YARS1: variants seen among roughly 807,000 people sequenced by gnomAD.
YARS1 encodes the protein tyrosine--tRNA ligase, cytoplasmic.
YARS1 carries 36 observed loss-of-function variants against 62.2 expected under a neutral mutation model. The observed-to-expected ratio is 0.58, with a 90% CI of 0.44 to 0.76. The LOEUF (loss-of-function observed/expected upper bound fraction) is 0.76. Ranked by LOEUF, YARS1 falls within the 30% of genes least tolerant of loss-of-function variation. YARS1 has a pLI of 0.00. For synonymous variants in YARS1, 234 were observed against 244.9 expected, an observed-to-expected ratio of 0.96 and a Z score of 0.42; for missense variants, 524 against 639.8, an observed-to-expected ratio of 0.82 and a Z score of 1.95.
At chr1:32,801,619 C>A (rs1354371509) in intron 4 of YARS1, among the ~76,000 whole-genome samples, 3 of 152,144 alleles carry the variant, frequency 2.0e-5, no homozygotes, top group African/African-American at 7.2e-5. Context: ...TCAATTGACT[C>A]TCCCTTTCAC....
At chr1:32,782,022 C>G in intron 9 of YARS1, 1 of 141,772 alleles carries the variant, frequency 7.1e-6, no homozygotes, top group Non-Finnish European at 1.5e-5. Context: ...GGGTTTTGGT[C>G]TCTAACTTTT....
At chr1:32,797,454 T>A in intron 5 of YARS1, 1 of 446,408 alleles carries the variant, frequency 2.2e-6, no homozygotes. Flanking sequence ...CAACTGGTAA[T>A]GCCTCTCCTT....
intron 3 of YARS1, 73 bp downstream of exon 3, chr1:32,810,518 G>T: frequency 6.3e-7 from 1 of 1,581,716 alleles, no homozygotes; most frequent in Non-Finnish European, 8.7e-7. Context: ...TGTAAAGAAT[G>T]CCTGGACTCC....
rs1433371929 is a variant in YARS1 at position 32,806,530 on chromosome 1, C to T, written c.462G>A (p.Lys154=). ...DSKKAGAEVV[K]QVEHPLLSGL... ...CACTCAGCAAAGGGTGCTCCACCTG[C>T]TTTACCACCTCAGCTCCAGCCTTCT... The change falls in exon 4 of 13, where the codon AAG becomes AAA. Residue 154 remains lysine, a synonymous_variant. Coordinates refer to ENST00000373477, the MANE Select transcript of YARS1 (RefSeq NM_003680.4). 1 of 1,614,200 alleles carries T rather than the reference C, an allele frequency of 6.2e-7. No individual in the cohort carries two copies. The highest frequency in any genetic ancestry group is 8.5e-7 in the Non-Finnish European group (1 of 1,180,040).
At position 32,781,128 on chromosome 1, in the gene YARS1, G is replaced by T; in HGVS notation, c.1060C>A (p.Pro354Thr). 2 of 1,614,118 alleles carry T rather than the reference G, an allele frequency of 1.2e-6. No individual in the cohort carries two copies. The highest frequency in any genetic ancestry group is 1.7e-6 in the Non-Finnish European group (2 of 1,180,034). The change falls in exon 10 of 13, where the codon CCT becomes ACT. Residue 354 changes from proline (P) to threonine (T), a missense_variant. Physicochemically the swap from Pro to Thr is conservative, Grantham distance 38. Transcript: ENST00000373477. ...PSKQKPMAKG[P>T]AKNSEPEEVI... Reference sequence around the variant, plus strand: ...TCCTCTGGTTCTGAATTCTTGGCAGGGCCTTTGGCCATTGGCTCTGGGAAT... The same window carrying T: ...TCCTCTGGTTCTGAATTCTTGGCAGTGCCTTTGGCCATTGGCTCTGGGAAT...
chr1:32,810,798 G>A (rs1638567442), intron 2 of YARS1, 32 bp from the exon 3 acceptor site: 3 of 1,613,990 alleles, frequency 1.9e-6, no homozygotes, highest in Middle Eastern at 1.6e-4. Context: ...ACCAAAATGT[G>A]AATTTGTCCA....
intron 5 of YARS1, among the ~76,000 whole-genome samples, chr1:32,794,928 C>T (rs1386224854): frequency 3.6e-5 from 5 of 139,170 alleles, no homozygotes; most frequent in East Asian, 2.1e-4. Context: ...GGCTTGAACC[C>T]GGGAGGCGGA....
intron 1 of YARS1, among the ~76,000 whole-genome samples, chr1:32,814,835 C>A (rs987024057): frequency 6.6e-6 from 1 of 152,174 alleles, no homozygotes; most frequent in African/African-American, 2.4e-5. Context: ...GGCCAGTGTA[C>A]CCCGATAAGA....
chr1:32,785,890 C>CTTTTTTTTTTTTTTTTTTTTT (rs11344284), intron 8 of YARS1, among the ~76,000 whole-genome samples: 1 of 146,430 alleles, frequency 6.8e-6, no homozygotes. Flanking sequence ...AGCCCATTTT[C>CTTTTTTTTTTTTTTTTTTTTT]TTTTTTTTTT....
chr1:32,775,997 C>A lies in YARS1; in HGVS notation c.1571G>T (p.Gly524Val), dbSNP rs201687117. ...CTGGGCTGGCTAGCTAATGTTCCCC[C>A]CTTTCAGCGATTTACAGGAAATGGA... ...LGSISCKSLK[G>V]GNIS Residue 524 changes from glycine to valine, a missense_variant, in exon 13 of 13, where the codon GGG becomes GTG. Coordinates refer to ENST00000373477, the MANE Select transcript of YARS1 (RefSeq NM_003680.4). 13 of 1,614,072 alleles carry A rather than the reference C, an allele frequency of 8.1e-6. No individual in the cohort carries two copies. Among genetic ancestry groups the A allele is most frequent in the Admixed American group, 6.7e-5 (4 of 60,026 alleles).
intron 5 of YARS1, among the ~76,000 whole-genome samples, chr1:32,793,437 G>A (rs1001924990): frequency 1.3e-5 from 2 of 152,182 alleles, no homozygotes; most frequent in Non-Finnish European, 2.9e-5. Flanking sequence ...GAGCTCAGGA[G>A]TTTGAGACTA....
At position 32,779,467 on chromosome 1, in the gene YARS1, CCAGGAGCAG is replaced by C; in HGVS notation, c.1382_1390del (p.Ser461_Gly464delinsCys). 1.3e-5 allele frequency: 21 copies of C among 1,614,216 alleles called. No homozygotes were observed. The highest frequency in any genetic ancestry group is 1.8e-5 in the Non-Finnish European group (21 of 1,180,050). ...ATAGCCCTTCACAAACACGTGCTCA[CCAGGAGCAG>C]AGCCTGCCGGAGGGTCCAGAGGTTC... On this transcript the variant is annotated inframe_deletion, in exon 12 of 13. Coordinates refer to ENST00000373477, the MANE Select transcript of YARS1 (RefSeq NM_003680.4).
At chr1:32,814,989 C>T (rs1638669761) in intron 1 of YARS1, among the ~76,000 whole-genome samples, 1 of 152,136 alleles carries the variant, frequency 6.6e-6, no homozygotes, top group Non-Finnish European at 1.5e-5. Context: ...CTCAAGAGCA[C>T]CCCTGACAAC....
chr1:32,794,211 G>A (rs1190676037), intron 5 of YARS1, among the ~76,000 whole-genome samples: 10 of 151,968 alleles, frequency 6.6e-5, no homozygotes, highest in Non-Finnish European at 1.0e-4. Flanking sequence ...TTAGCCGGGC[G>A]TGGTGGCGGG....
At chr1:32,807,692 G>A (rs1404710080) in intron 3 of YARS1, among the ~76,000 whole-genome samples, 2 of 151,956 alleles carry the variant, frequency 1.3e-5, no homozygotes, top group African/African-American at 4.8e-5. Flanking sequence ...TGCTGGGCTC[G>A]AGCAATCTGC....
chr1:32,805,269 G>C (rs1192466419), intron 4 of YARS1, among the ~76,000 whole-genome samples: 1 of 134,294 alleles, frequency 7.4e-6, no homozygotes, highest in African/African-American at 3.3e-5. Flanking sequence ...GAGGGGGAGA[G>C]GGAGAGAGGG....
intron 4 of YARS1, among the ~76,000 whole-genome samples, chr1:32,799,282 AAAG>A (rs1653701282): frequency 2.0e-5 from 3 of 152,188 alleles, no homozygotes; most frequent in Non-Finnish European, 4.4e-5. Flanking sequence ...AAAAGTAGGT[AAAG>A]ACCATGAAAT....
chr1:32,804,994 G>T (rs967463487), intron 4 of YARS1, among the ~76,000 whole-genome samples: 1 of 152,166 alleles, frequency 6.6e-6, no homozygotes, highest in African/African-American at 2.4e-5. Flanking sequence ...ACCTCGGGAC[G>T]CCGAGGCGGG....
intron 4 of YARS1, among the ~76,000 whole-genome samples, chr1:32,803,872 G>A (rs2148613294): frequency 6.6e-6 from 1 of 152,154 alleles, no homozygotes; most frequent in East Asian, 1.9e-4. Context: ...GTTTTCCTAG[G>A]CAGAGGACCC....
Sources: gnomAD v4.1 joint callset for allele counts (sites outside exome capture counted in the v4.1 genomes callset) on GRCh38, gnomAD v4.1.1 for gene constraint, MANE v1.5 for transcripts, NCBI Gene and HGNC (gene_info 2026-07-23, HGNC 2026-07-21) for gene names.